Variants in AK5 observed in about 807,000 individuals in gnomAD.
AK5 encodes the protein adenylate kinase 5, also known as adenylate kinase isoenzyme 5.
AK5 carries 27 observed loss-of-function variants against 69.5 expected under a neutral mutation model. The observed-to-expected ratio is 0.39, with a 90% CI of 0.29 to 0.54. The LOEUF (loss-of-function observed/expected upper bound fraction) is 0.54. Ranked by LOEUF, AK5 falls within the 20% of genes least tolerant of loss-of-function variation. The pLI is 0.71. For missense variants in AK5, 531 were observed against 700.4 expected, an observed-to-expected ratio of 0.76 and a Z score of 2.73; for synonymous variants, 260 against 244.4, an observed-to-expected ratio of 1.06 and a Z score of -0.60.
chr1:77,327,272 G>GTCCCAGCTA (rs1660853265), intron 5 of AK5, among the ~76,000 whole-genome samples: 1 of 151,752 alleles, frequency 6.6e-6, no homozygotes, highest in African/African-American at 2.4e-5. Context: ...TGCACCAGTA[G>GTCCCAGCTA]TCCCAGCTAT....
chr1:77,353,821 A>G (rs1662346430), intron 6 of AK5, among the ~76,000 whole-genome samples: 1 of 152,198 alleles, frequency 6.6e-6, no homozygotes, highest in Non-Finnish European at 1.5e-5. Context: ...GGCAGGTGGG[A>G]CACAGGCAGG....
At chr1:77,379,466 C>A (rs979480890) in intron 6 of AK5, among the ~76,000 whole-genome samples, 2 of 152,182 alleles carry the variant, frequency 1.3e-5, no homozygotes, top group Non-Finnish European at 2.9e-5. Context: ...GGACTCTGCA[C>A]AGATTTAAAG....
At chr1:77,499,891 TTTTTTTTTTTG>T in intron 10 of AK5, among the ~76,000 whole-genome samples, 1 of 145,604 alleles carries the variant, frequency 6.9e-6, no homozygotes, top group African/African-American at 2.5e-5. Flanking sequence ...TTTTTTTTTT[TTTTTTTTTTTG>T]GTTTGCTTCT....
At chr1:77,470,846 TATATATATATATATATATATATATATA>T (rs1352938622) in intron 8 of AK5, among the ~76,000 whole-genome samples, 6,695 of 27,098 alleles carry the variant, frequency 0.25, 953 homozygotes, top group Admixed American at 0.29. Flanking sequence ...TATATATATA[TATATATATATATATATATATATATATA>T]TATTTTTTTT....
intron 6 of AK5, among the ~76,000 whole-genome samples, chr1:77,359,694 G>T (rs1013310550): frequency 1.3e-5 from 2 of 152,156 alleles, no homozygotes; most frequent in Admixed American, 6.5e-5. Context: ...TCAAATATTT[G>T]CCATAAGGGA....
At chr1:77,410,946 C>T in intron 6 of AK5, 35 bp from the exon 7 acceptor site, 1 of 1,563,128 alleles carries the variant, frequency 6.4e-7, no homozygotes, top group South Asian at 1.1e-5. Context: ...TGTGTATTCT[C>T]ACATTCCAAA....
intron 8 of AK5, among the ~76,000 whole-genome samples, chr1:77,468,811 T>C (rs1026200846): frequency 1.3e-5 from 2 of 152,198 alleles, no homozygotes; most frequent in Admixed American, 1.3e-4. Context: ...AATGTTTCTC[T>C]TTACCTGCTT....
chr1:77,317,227 TG>T (rs1484553486), intron 5 of AK5, among the ~76,000 whole-genome samples: 1 of 152,172 alleles, frequency 6.6e-6, no homozygotes, highest in African/African-American at 2.4e-5. Context: ...TCTCTCTGCA[TG>T]GAAGTCTCAG....
At chr1:77,399,709 C>T (rs923204527) in intron 6 of AK5, among the ~76,000 whole-genome samples, 1 of 152,168 alleles carries the variant, frequency 6.6e-6, no homozygotes, top group African/African-American at 2.4e-5. Flanking sequence ...GCCCACTCTT[C>T]CTTTGATTCC....
intron 8 of AK5, among the ~76,000 whole-genome samples, chr1:77,462,688 G>GA (rs1193781643): frequency 6.6e-6 from 1 of 151,980 alleles, no homozygotes; most frequent in Non-Finnish European, 1.5e-5. Flanking sequence ...ATAAAAGTAG[G>GA]AAAAATACAA....
At chr1:77,322,427 T>G (rs900707225) in intron 5 of AK5, among the ~76,000 whole-genome samples, 1 of 152,156 alleles carries the variant, frequency 6.6e-6, no homozygotes, top group Non-Finnish European at 1.5e-5. Context: ...TGGTGGTTCC[T>G]CCCTCTGGGG....
At chr1:77,365,035 G>GT (rs1365001696) in intron 6 of AK5, among the ~76,000 whole-genome samples, 3 of 151,822 alleles carry the variant, frequency 2.0e-5, no homozygotes, top group Non-Finnish European at 4.4e-5. Context: ...AACATTTGTT[G>GT]TTTTTTTTAT....
At position 77,499,737 on chromosome 1, in the gene AK5, G is replaced by T. The variant is rs181585797; in HGVS notation, c.1147+13385G>T. On this transcript the variant is annotated intron_variant, in intron 10 of 13. Transcript: ENST00000354567. ...GCAGTGAGAAACCTGGCCGAGGCCA[G>T]CCATCAGACTCCTAGAGAGACCCCT... 1.9e-3 allele frequency among the ~76,000 whole-genome samples: 285 copies of T among 152,180 alleles called. 3 individuals carry two copies. Among genetic ancestry groups the T allele is most frequent in the African/African-American group, 6.6e-3 (275 of 41,526 alleles).
In AK5 at chr1:77,558,672, G is replaced by C. The variant is rs769026341; in HGVS notation, c.*2G>C. ...ACAGCTATTGACTCTATTTTCTGAA[G>C]GCAAAAATGCATGTTTGTTAGAATG... is the stretch of plus-strand genomic sequence containing the variant. On this transcript the variant is annotated 3_prime_UTR_variant, in exon 14 of 14. Transcript: ENST00000354567. The C allele has an allele frequency of 4.5e-5, 71 of 1,565,158 alleles. No individual in the cohort carries two copies. The Admixed American group carries it at 1.2e-3, about 26-fold the overall frequency.
chr1:77,385,202 C>T (rs1206355261), intron 6 of AK5, among the ~76,000 whole-genome samples: 1 of 152,092 alleles, frequency 6.6e-6, no homozygotes, highest in African/African-American at 2.4e-5. Flanking sequence ...CTCTGTCGCC[C>T]AGGCTGGAGT....
intron 8 of AK5, among the ~76,000 whole-genome samples, chr1:77,419,820 T>G (rs931488883): frequency 9.2e-5 from 14 of 152,206 alleles, no homozygotes; most frequent in African/African-American, 3.4e-4. Flanking sequence ...CAGTTATTTT[T>G]TAACAGATAA....
At chr1:77,516,410 G>A (rs1041004900) in intron 10 of AK5, among the ~76,000 whole-genome samples, 6 of 150,520 alleles carry the variant, frequency 4.0e-5, no homozygotes, top group African/African-American at 1.5e-4. Flanking sequence ...GAATAGATGT[G>A]AAATGTCTTC....
intron 1 of AK5, 75 bp downstream of exon 1, chr1:77,282,448 C>G (rs576780187): frequency 3.0e-4 from 446 of 1,491,684 alleles, no homozygotes; most frequent in Non-Finnish European, 3.8e-4. Context: ...GGCAGCCGCG[C>G]CCCGTCCCAC....
intron 6 of AK5, among the ~76,000 whole-genome samples, chr1:77,396,388 C>G (rs1377183197): frequency 6.6e-6 from 1 of 152,180 alleles, no homozygotes; most frequent in Non-Finnish European, 1.5e-5. Context: ...ACACAAAGAG[C>G]CCAGTAGCCC....
Sources: gnomAD v4.1 joint callset for allele counts (sites outside exome capture counted in the v4.1 genomes callset) on GRCh38, gnomAD v4.1.1 for gene constraint, MANE v1.5 for transcripts, NCBI Gene and HGNC (gene_info 2026-07-23, HGNC 2026-07-21) for gene names.